ITGA11: variants seen among roughly 807,000 people sequenced by gnomAD.
ITGA11 encodes integrin subunit alpha 11, also known as integrin alpha-11.
ITGA11 carries 97 observed loss-of-function variants against 141.9 expected under a neutral mutation model. The observed-to-expected ratio is 0.68, with a 90% CI of 0.58 to 0.81. ITGA11 has a LOEUF of 0.81. ITGA11 is among the 30% of genes least tolerant of loss of function. The probability of loss-of-function intolerance (pLI) is 0.00; values close to 1 mark genes in which losing one functional copy is unlikely to be tolerated. For missense variants in ITGA11, 1,387 were observed against 1,559.2 expected, an observed-to-expected ratio of 0.89 and a Z score of 1.86; for synonymous variants, 658 against 624.6, an observed-to-expected ratio of 1.05 and a Z score of -0.80.
At chr15:68,396,959 TATAATAA>T (rs375808694) in intron 2 of ITGA11, among the ~76,000 whole-genome samples, 3,793 of 12,854 alleles carry the variant, frequency 0.3, 619 homozygotes, top group East Asian at 0.76. Context: ...TTATTTATTA[TATAATAA>T]ATAATATATT....
chr15:68,311,478 A>C lies in ITGA11; in HGVS notation c.2974-75T>G, dbSNP rs1450849846. On this transcript the variant is annotated intron_variant, in intron 24 of 29. Transcript: ENST00000315757. Reference sequence around the variant, plus strand: ...AAAACAAGGTCCACAGGGGCCAACCAGCCCCTGGGGGTGGCAATTCCCCCA... The same window carrying C: ...AAAACAAGGTCCACAGGGGCCAACCCGCCCCTGGGGGTGGCAATTCCCCCA... 6 of 1,028,492 alleles carry C rather than the reference A, an allele frequency of 5.8e-6. No individual in the cohort carries two copies. The African/African-American group carries it at 8.0e-5, about 14-fold the overall frequency. 63.7% of individuals were successfully genotyped at this position (1,028,492 alleles called of 1,614,324 possible).
Position 68,302,920 on chromosome 15 carries a change from C to T in ITGA11, c.*139G>A, listed in dbSNP as rs1893077258. The T allele has an allele frequency of 1.5e-6, 1 of 647,604 alleles. No individual in the cohort carries two copies. Among genetic ancestry groups the T allele is most frequent in the Non-Finnish European group, 2.7e-6 (1 of 374,264 alleles). The allele number at this position is 647,604 out of a possible 1,614,324, so 40.1% of individuals were successfully genotyped here. ...GTTCCATTCTGGAGGGAGCAGGCGCCATTGCTCGGGAGATGAGGTCAAGTG... is the reference window on the plus strand; with the variant it reads ...GTTCCATTCTGGAGGGAGCAGGCGCTATTGCTCGGGAGATGAGGTCAAGTG... On this transcript the variant is annotated 3_prime_UTR_variant, in exon 30 of 30. Transcript: ENST00000315757.
intron 2 of ITGA11, among the ~76,000 whole-genome samples, chr15:68,372,607 C>G (rs1247454514): frequency 1.3e-5 from 2 of 152,226 alleles, no homozygotes; most frequent in African/African-American, 2.4e-5. Context: ...GGACCCTTTC[C>G]CTGTTGACCA....
chr15:68,399,522 G>C (rs1896412699), intron 2 of ITGA11, among the ~76,000 whole-genome samples: 1 of 152,020 alleles, frequency 6.6e-6, no homozygotes. Context: ...TTTTATCACA[G>C]CACTATTCAC....
chr15:68,347,901 C>T (rs141290831), intron 10 of ITGA11, among the ~76,000 whole-genome samples: 1 of 127,572 alleles, frequency 7.8e-6, no homozygotes, highest in African/African-American at 3.1e-5. Context: ...CTCATGGTGC[C>T]AGCCCAGGCA....
chr15:68,314,451 GGC>G (rs1893502439), intron 22 of ITGA11, among the ~76,000 whole-genome samples: 1 of 152,086 alleles, frequency 6.6e-6, no homozygotes, highest in African/African-American at 2.4e-5. Flanking sequence ...GAACTACCGG[GGC>G]AAATCATTTT....
chr15:68,366,704 G>A (rs568032789), intron 3 of ITGA11, among the ~76,000 whole-genome samples: 19 of 152,304 alleles, frequency 1.2e-4, no homozygotes, highest in South Asian at 4.1e-4. Flanking sequence ...CTCTGTGAGC[G>A]GGAGAGACTC....
At chr15:68,413,634 C>T (rs1400083174) in intron 1 of ITGA11, among the ~76,000 whole-genome samples, 1 of 152,184 alleles carries the variant, frequency 6.6e-6, no homozygotes, top group Admixed American at 6.5e-5. Context: ...TGGGCCTCAG[C>T]TTCCCCATCT....
chr15:68,332,894 G>T (rs1894221911), intron 12 of ITGA11, among the ~76,000 whole-genome samples: 1 of 152,140 alleles, frequency 6.6e-6, no homozygotes, highest in Non-Finnish European at 1.5e-5. Flanking sequence ...TTGCCTATTT[G>T]TAGGTGTGTG....
Position 68,305,821 on chromosome 15 carries a change from C to A in ITGA11, c.3381+1527G>T, listed in dbSNP as rs992787740. Among the ~76,000 whole-genome samples, 24 of 152,134 alleles carry A rather than the reference C, an allele frequency of 1.6e-4. No individual in the cohort carries two copies. The highest frequency in any genetic ancestry group is 2.6e-4 in the Non-Finnish European group (18 of 68,020). On this transcript the variant is annotated intron_variant, in intron 28 of 29. Coordinates refer to ENST00000315757, the MANE Select transcript of ITGA11 (RefSeq NM_001004439.2). This position sits in a 1 kb window ranked among gnomAD's most constrained non-coding sequence, Gnocchi z 4.6. ...CAAGGCGGGCACCTGGCTCTGCCTC[C>A]CCAGCGCCAGCACCTAGCACACAGC...
chr15:68,370,308 G>C (rs1002237958), intron 2 of ITGA11, among the ~76,000 whole-genome samples: 2 of 152,174 alleles, frequency 1.3e-5, no homozygotes, highest in Admixed American at 1.3e-4. Context: ...GCCAAGCCCC[G>C]GTGGCCGTGC....
chr15:68,335,666 C>G lies in ITGA11; in HGVS notation c.1425+31G>C. On this transcript the variant is annotated intron_variant, in intron 12 of 29. Coordinates refer to ENST00000315757, the MANE Select transcript of ITGA11 (RefSeq NM_001004439.2). This position sits in a 1 kb window ranked among gnomAD's most constrained non-coding sequence, Gnocchi z 4.9. Reference sequence around the variant, plus strand: ...TTGTCTGATCTGCCCCCTCTTCCCTCCATCCCGGCCCCAGGCTCCCCCTCC... The same window carrying G: ...TTGTCTGATCTGCCCCCTCTTCCCTGCATCCCGGCCCCAGGCTCCCCCTCC... 6.2e-7 allele frequency: 1 copy of G among 1,610,396 alleles called. No individual in the cohort carries two copies. Among genetic ancestry groups the G allele is most frequent in the Non-Finnish European group, 8.5e-7 (1 of 1,178,168 alleles).
rs1454314854 is a variant in ITGA11, at chr15:68,313,876, G to C, written c.2793-8C>G. 6.2e-7 allele frequency: 1 copy of C among 1,613,006 alleles called. No individual in the cohort carries two copies. The highest frequency in any genetic ancestry group is 8.5e-7 in the Non-Finnish European group (1 of 1,179,138). On this transcript the variant is annotated splice_region_variant and splice_polypyrimidine_tract_variant and intron_variant, in intron 22 of 29. Coordinates refer to ENST00000315757, the MANE Select transcript of ITGA11 (RefSeq NM_001004439.2). ...TCCCGCTCATTACTGTCACTGCAAGGAGAGCCAGGCGGCAAGGTCAGGAAG... is the reference window on the plus strand; with the variant it reads ...TCCCGCTCATTACTGTCACTGCAAGCAGAGCCAGGCGGCAAGGTCAGGAAG...
rs747666886 is a variant in ITGA11 at position 68,351,257 on chromosome 15, C to G, written c.894+1G>C. 2.5e-6 allele frequency: 4 copies of G among 1,613,752 alleles called. No homozygotes were observed. The highest frequency in any genetic ancestry group is 1.7e-4 in the Middle Eastern group (1 of 6,030). The stretch of plus-strand genomic sequence containing the variant: ...CAGCCCTTGGGCGGGCCAGGACTTA[C>G]GGCCACCGCATATCTTGTTACGTTG... On this transcript the variant is annotated splice_donor_variant, in intron 8 of 29. Coordinates refer to ENST00000315757, the MANE Select transcript of ITGA11 (RefSeq NM_001004439.2). LOFTEE classifies it high-confidence loss of function.
intron 3 of ITGA11, among the ~76,000 whole-genome samples, chr15:68,368,133 T>G (rs1895484442): frequency 6.6e-6 from 1 of 152,178 alleles, no homozygotes; most frequent in Admixed American, 6.5e-5. Flanking sequence ...ATCCATCAGC[T>G]TATCTCTTGA....
chr15:68,402,739 C>A (rs548254451), intron 2 of ITGA11, among the ~76,000 whole-genome samples, 179 bp downstream of exon 2: 5 of 152,314 alleles, frequency 3.3e-5, no homozygotes, highest in South Asian at 2.1e-4. Context: ...AACATTCAAG[C>A]TTTCATAGTC....
At chr15:68,387,172 C>A (rs1410382312) in intron 2 of ITGA11, among the ~76,000 whole-genome samples, 1 of 151,952 alleles carries the variant, frequency 6.6e-6, no homozygotes, top group Non-Finnish European at 1.5e-5. Flanking sequence ...AGGGAAGGGG[C>A]CTCTGGGTGC....
chr15:68,364,374 C>A (rs1316876352), intron 4 of ITGA11, among the ~76,000 whole-genome samples: 2 of 152,200 alleles, frequency 1.3e-5, no homozygotes, highest in African/African-American at 4.8e-5. Context: ...AGGGACAGTC[C>A]CCCACCAGAC....
intron 1 of ITGA11, among the ~76,000 whole-genome samples, chr15:68,410,795 CA>C (rs1281977411): frequency 6.6e-6 from 1 of 152,174 alleles, no homozygotes; most frequent in Non-Finnish European, 1.5e-5. Flanking sequence ...TGCGATAGAG[CA>C]AGGGAGGGGT....
Sources: gnomAD v4.1 joint callset for allele counts (sites outside exome capture counted in the v4.1 genomes callset) on GRCh38, gnomAD v4.1.1 for gene constraint, Gnocchi (gnomAD v3.1) non-coding constraint, MANE v1.5 for transcripts, NCBI Gene and HGNC (gene_info 2026-07-23, HGNC 2026-07-21) for gene names.